Variants in DPP10 observed in about 807,000 individuals in gnomAD.
DPP10 encodes dipeptidyl peptidase like 10.
DPP10 carries 33 observed loss-of-function variants against 120.9 expected under a neutral mutation model. The observed-to-expected ratio is 0.27, with a 90% CI of 0.21 to 0.37. The LOEUF (loss-of-function observed/expected upper bound fraction) is 0.37, where lower values mean the gene tolerates loss of function less well. DPP10 is among the 10% of genes least tolerant of loss of function. DPP10 has a pLI of 1.00. For missense variants in DPP10, 816 were observed against 942.8 expected, an observed-to-expected ratio of 0.87 and a Z score of 1.76; for synonymous variants, 337 against 326.1, an observed-to-expected ratio of 1.03 and a Z score of -0.36.
At chr2:114,493,283 G>T (rs1318674778) in intron 1 of DPP10, among the ~76,000 whole-genome samples, 1 of 152,150 alleles carries the variant, frequency 6.6e-6, no homozygotes, top group Non-Finnish European at 1.5e-5. Flanking sequence ...GCCAGGACAG[G>T]GATGGTGGGC....
chr2:115,076,591 C>A lies in DPP10; in HGVS notation c.61-232648C>A, dbSNP rs17043982. On this transcript the variant is annotated intron_variant, in intron 1 of 25. Coordinates refer to ENST00000410059, the MANE Select transcript of DPP10 (RefSeq NM_020868.6). ...GTTAACGTTTATCGAAATAGCACTACGTGTACATTACACTACATGTAACAT... is the reference window on the plus strand; with the variant it reads ...GTTAACGTTTATCGAAATAGCACTAAGTGTACATTACACTACATGTAACAT... Among the ~76,000 whole-genome samples, 1,405 of 152,212 alleles carry A rather than the reference C, an allele frequency of 9.2e-3. 28 individuals are homozygous for A. The highest frequency in any genetic ancestry group is 0.032 in the African/African-American group (1,340 of 41,550).
chr2:114,933,571 T>C (rs972968455), intron 1 of DPP10, among the ~76,000 whole-genome samples: 2 of 152,204 alleles, frequency 1.3e-5, no homozygotes, highest in African/African-American at 4.8e-5. Context: ...AAGCCCATGA[T>C]ACAACCAACT....
chr2:115,163,129 G>T (rs1341412694), intron 1 of DPP10, among the ~76,000 whole-genome samples: 1 of 152,180 alleles, frequency 6.6e-6, no homozygotes, highest in Non-Finnish European at 1.5e-5. Flanking sequence ...CCAGCTTATT[G>T]CTAGCGTGGG....
intron 5 of DPP10, among the ~76,000 whole-genome samples, chr2:115,529,102 A>G (rs1314066405): frequency 6.6e-6 from 1 of 152,110 alleles, no homozygotes; most frequent in Non-Finnish European, 1.5e-5. Context: ...AATTATGTCA[A>G]AATAAAAGAT....
chr2:115,260,429 T>C (rs1270167611), intron 1 of DPP10, among the ~76,000 whole-genome samples: 2 of 152,182 alleles, frequency 1.3e-5, no homozygotes, highest in Non-Finnish European at 2.9e-5. Context: ...TGCTGTTCAA[T>C]TGGAGGTCAG....
At chr2:115,274,701 C>G (rs1311095465) in intron 1 of DPP10, among the ~76,000 whole-genome samples, 2 of 152,128 alleles carry the variant, frequency 1.3e-5, no homozygotes, top group African/African-American at 4.8e-5. Context: ...GTCAGAAACT[C>G]AGATTGAATG....
At chr2:115,355,975 G>A (rs1455864402) in intron 3 of DPP10, among the ~76,000 whole-genome samples, 1 of 152,148 alleles carries the variant, frequency 6.6e-6, no homozygotes, top group East Asian at 1.9e-4. Context: ...AGTGTAGTTT[G>A]AAGTCAGGTA....
intron 1 of DPP10, among the ~76,000 whole-genome samples, chr2:114,626,545 G>A (rs947663532): frequency 9.9e-5 from 15 of 151,930 alleles, no homozygotes; most frequent in Non-Finnish European, 2.9e-5. Context: ...TGGCGGGGTG[G>A]TCACTAAATT....
intron 3 of DPP10, among the ~76,000 whole-genome samples, chr2:115,381,690 AC>A (rs1453130356): frequency 1.8e-4 from 28 of 152,048 alleles, no homozygotes; most frequent in African/African-American, 6.5e-4. Flanking sequence ...GGTTTTATCT[AC>A]TTTTGGTCTT....
chr2:115,477,677 A>G (rs1343244778), intron 3 of DPP10, among the ~76,000 whole-genome samples: 1 of 152,172 alleles, frequency 6.6e-6, no homozygotes. Context: ...ATCTTAAGGT[A>G]TCCAACTAAT....
chr2:114,668,225 C>T (rs1698076643), intron 1 of DPP10, among the ~76,000 whole-genome samples: 1 of 152,098 alleles, frequency 6.6e-6, no homozygotes, highest in Non-Finnish European at 1.5e-5. Flanking sequence ...GAGCCTGAAG[C>T]TCTGGGAACT....
At chr2:114,729,959 C>G (rs1676730741) in intron 1 of DPP10, among the ~76,000 whole-genome samples, 1 of 152,210 alleles carries the variant, frequency 6.6e-6, no homozygotes, top group Non-Finnish European at 1.5e-5. Context: ...TATTGAATTT[C>G]TGCCTACTTG....
At chr2:115,800,963 T>G (rs62156329) in intron 19 of DPP10, among the ~76,000 whole-genome samples, 6,969 of 152,186 alleles carry the variant, frequency 0.046, 156 homozygotes, top group Middle Eastern at 0.061. Flanking sequence ...TTTTTCCAAT[T>G]CTGTGAAGAA....
intron 1 of DPP10, among the ~76,000 whole-genome samples, chr2:115,241,055 G>A (rs1018894215): frequency 1.4e-4 from 21 of 152,172 alleles, no homozygotes; most frequent in Non-Finnish European, 2.2e-4. Context: ...CAGATCACGA[G>A]GTCAGGAGTT....
chr2:114,654,431 T>C (rs1480018615), intron 1 of DPP10, among the ~76,000 whole-genome samples: 1 of 152,142 alleles, frequency 6.6e-6, no homozygotes, highest in Non-Finnish European at 1.5e-5. Context: ...TGAAATTTTA[T>C]AGGGTGGGGA....
chr2:115,141,221 C>T (rs72611955), intron 1 of DPP10, among the ~76,000 whole-genome samples: 11,289 of 152,214 alleles, frequency 0.074, 799 homozygotes, highest in East Asian at 0.3. Context: ...ACTCAGTACG[C>T]AGTTCTTATA....
At chr2:115,032,138 A>C (rs1044102715) in intron 1 of DPP10, among the ~76,000 whole-genome samples, 5 of 152,170 alleles carry the variant, frequency 3.3e-5, no homozygotes, top group Non-Finnish European at 7.3e-5. Context: ...TAACAATAGA[A>C]GAAAATATCC....
At chr2:115,779,420 T>C (rs1285476946) in intron 15 of DPP10, among the ~76,000 whole-genome samples, 2 of 152,082 alleles carry the variant, frequency 1.3e-5, no homozygotes, top group Non-Finnish European at 2.9e-5. Context: ...TGATCACTGG[T>C]TGACTTAATA....
At chr2:114,720,731 G>T (rs1701651910) in intron 1 of DPP10, among the ~76,000 whole-genome samples, 1 of 152,134 alleles carries the variant, frequency 6.6e-6, no homozygotes, top group Non-Finnish European at 1.5e-5. Context: ...TCTACTTTCT[G>T]GACACATGAA....
Sources: allele counts gnomAD v4.1 joint callset (sites outside exome capture counted in the v4.1 genomes callset), GRCh38; gene constraint gnomAD v4.1.1; transcripts MANE v1.5; gene names NCBI Gene and HGNC (gene_info 2026-07-23, HGNC 2026-07-21).